The following NR2C2 variants were observed in gnomAD, a reference collection of about 807,000 sequenced individuals.
The protein encoded by NR2C2 is nuclear receptor subfamily 2 group C member 2.
A neutral mutation model predicts 62.9 loss-of-function variants in NR2C2; 6 were observed. The ratio of observed to expected loss-of-function variants is 0.10; its 90% CI spans 0.05 to 0.19. The LOEUF (loss-of-function observed/expected upper bound fraction) is 0.19. Ranked by LOEUF, NR2C2 falls within the 10% of genes least tolerant of loss-of-function variation. The pLI is 1.00. For synonymous variants in NR2C2, 272 were observed against 273.8 expected, an observed-to-expected ratio of 0.99 and a Z score of 0.07; for missense variants, 479 against 762.7, an observed-to-expected ratio of 0.63 and a Z score of 4.38.
chr3:14,965,646 TTTG>T lies in NR2C2; in HGVS notation c.-40+17743_-40+17745del, dbSNP rs1012698949. 2.5e-4 allele frequency among the ~76,000 whole-genome samples: 38 copies of T among 151,172 alleles called. 4 individuals are homozygous for T. The highest frequency in any genetic ancestry group is 2.1e-3 in the South Asian group (10 of 4,810). ...TTTCCTAGATTTCCTTGCTGTTTTT[TTTG>T]TTTGTTTGTTTTTGTTTTTGTTTTT... On this transcript the variant is annotated intron_variant, in intron 1 of 13. Coordinates refer to ENST00000425241, the MANE Select transcript of NR2C2 (RefSeq NM_001291694.2).
At chr3:14,997,465 A>C (rs1010627153) in intron 1 of NR2C2, among the ~76,000 whole-genome samples, 3 of 152,252 alleles carry the variant, frequency 2.0e-5, no homozygotes, top group Non-Finnish European at 4.4e-5. Context: ...GATGCAATGA[A>C]TATGCTCTGA....
At chr3:14,987,399 A>T (rs1308945234) in intron 1 of NR2C2, among the ~76,000 whole-genome samples, 4 of 152,200 alleles carry the variant, frequency 2.6e-5, no homozygotes, top group Non-Finnish European at 5.9e-5. Context: ...TTCTTTTAAA[A>T]GTGAAGAAAA....
chr3:14,995,740 T>C (rs956423652), intron 1 of NR2C2, among the ~76,000 whole-genome samples: 14 of 151,888 alleles, frequency 9.2e-5, no homozygotes, highest in African/African-American at 3.4e-4. Flanking sequence ...TTTTCAAACT[T>C]TTGAGGAACT....
intron 3 of NR2C2, among the ~76,000 whole-genome samples, 182 bp downstream of exon 3, chr3:15,013,971 A>G (rs953524995): frequency 2.6e-5 from 4 of 152,228 alleles, no homozygotes; most frequent in Non-Finnish European, 1.5e-5. Flanking sequence ...AAGGCCCAGA[A>G]GACAGTCAAC....
At chr3:15,036,276 C>T (rs947400610) in intron 11 of NR2C2, among the ~76,000 whole-genome samples, 7 of 151,968 alleles carry the variant, frequency 4.6e-5, no homozygotes, top group African/African-American at 7.3e-5. Context: ...CAGGCTGCTC[C>T]TTAAGAGTGA....
At chr3:14,982,538 A>G (rs893492572) in intron 1 of NR2C2, among the ~76,000 whole-genome samples, 1 of 152,208 alleles carries the variant, frequency 6.6e-6, no homozygotes, top group Non-Finnish European at 1.5e-5. Context: ...TGCAAAAATT[A>G]AGCACGTCTT....
Position 15,043,034 on chromosome 3 carries a change from C to A in NR2C2, c.*26C>A. 6.2e-7 allele frequency: 1 copy of A among 1,607,762 alleles called. No individual in the cohort carries two copies. The highest frequency in any genetic ancestry group is 8.5e-7 in the Non-Finnish European group (1 of 1,176,038). ...CGCAAACCACACACCTGCCAAGGAG[C>A]AACAGAATCCTTCCAGGACCGTTCA... is the stretch of plus-strand genomic sequence containing the variant. On this transcript the variant is annotated 3_prime_UTR_variant, in exon 14 of 14. Transcript: ENST00000425241.
intron 1 of NR2C2, among the ~76,000 whole-genome samples, chr3:14,987,034 GA>G (rs555718546): frequency 3.5e-4 from 53 of 152,080 alleles, no homozygotes; most frequent in African/African-American, 1.2e-3. Flanking sequence ...ATTTTACCAA[GA>G]AAAAAAGTTT....
chr3:14,968,973 C>G (rs1188290138), intron 1 of NR2C2, among the ~76,000 whole-genome samples: 2 of 132,978 alleles, frequency 1.5e-5, no homozygotes, highest in Non-Finnish European at 1.6e-5. Flanking sequence ...ACATCACACT[C>G]TGGGGACTGT....
At chr3:15,032,708 G>A (rs1407114242) in intron 10 of NR2C2, among the ~76,000 whole-genome samples, 1 of 152,160 alleles carries the variant, frequency 6.6e-6, no homozygotes, top group Non-Finnish European at 1.5e-5. Flanking sequence ...ACTTTATGGA[G>A]CCTCCTAGAT....
At chr3:15,037,154 G>A (rs1255990070) in intron 11 of NR2C2, among the ~76,000 whole-genome samples, 1 of 151,324 alleles carries the variant, frequency 6.6e-6, no homozygotes, top group African/African-American at 2.4e-5. Flanking sequence ...TTGAAGTTAA[G>A]ATTTGTTCAC....
chr3:14,958,289 A>T (rs1174398693), intron 1 of NR2C2, among the ~76,000 whole-genome samples: 1 of 151,964 alleles, frequency 6.6e-6, no homozygotes, highest in African/African-American at 2.4e-5. Context: ...GAACTGATGG[A>T]GGTGGTTGGA....
rs56034439 is a variant in NR2C2 at position 14,999,669 on chromosome 3, ATT to A, written c.-39-4196_-39-4195del. On this transcript the variant is annotated intron_variant, in intron 1 of 13. Transcript: ENST00000425241. ...ACATTTAGATCTTTGATCCATTTTG[ATT>A]TTTTTTTTTTGTAATAGTGCAAGGT... Among the ~76,000 whole-genome samples the A allele has an allele frequency of 1.2e-4, 17 of 147,276 alleles. No homozygotes were observed. The South Asian group carries it at 2.1e-3, about 19-fold the overall frequency.
chr3:15,038,776 A>G (rs896521826), intron 12 of NR2C2: 2 of 196,118 alleles, frequency 1.0e-5, no homozygotes, highest in Non-Finnish European at 2.1e-5. Context: ...GGGACAAATT[A>G]TATAATTATT....
intron 1 of NR2C2, among the ~76,000 whole-genome samples, chr3:14,988,466 C>T (rs1045213001): frequency 6.6e-6 from 1 of 152,204 alleles, no homozygotes; most frequent in Non-Finnish European, 1.5e-5. Context: ...ATTTATATAA[C>T]GTGGGTTCCC....
intron 1 of NR2C2, among the ~76,000 whole-genome samples, chr3:14,969,025 T>C (rs1468691520): frequency 9.8e-5 from 14 of 143,512 alleles, no homozygotes; most frequent in Admixed American, 4.2e-4. Flanking sequence ...TTGGGAGATA[T>C]ACCTAATGCT....
rs2042325305 is a variant in NR2C2, at chr3:15,043,028, A to G, written c.*20A>G. ...CTATAGCGCAAACCACACACCTGCC[A>G]AGGAGCAACAGAATCCTTCCAGGAC... On this transcript the variant is annotated 3_prime_UTR_variant, in exon 14 of 14. Transcript: ENST00000425241. 1.2e-6 allele frequency: 2 copies of G among 1,609,916 alleles called. No homozygotes were observed. The highest frequency in any genetic ancestry group is 1.3e-5 in the African/African-American group (1 of 74,908).
intron 1 of NR2C2, among the ~76,000 whole-genome samples, chr3:14,954,761 A>C (rs1296844711): frequency 6.6e-6 from 1 of 152,134 alleles, no homozygotes; most frequent in African/African-American, 2.4e-5. Context: ...TTCTGATCTG[A>C]GTGGCATTTA....
At chr3:14,971,140 G>T (rs531290383) in intron 1 of NR2C2, among the ~76,000 whole-genome samples, 2 of 151,838 alleles carry the variant, frequency 1.3e-5, no homozygotes, top group African/African-American at 2.4e-5. Flanking sequence ...TTTTTTTGAG[G>T]CAGAGTCTTG....
Sources: allele counts gnomAD v4.1 joint callset (sites outside exome capture counted in the v4.1 genomes callset), GRCh38; gene constraint gnomAD v4.1.1; transcripts MANE v1.5; gene names NCBI Gene and HGNC (gene_info 2026-07-23, HGNC 2026-07-21).